The following NCALD variants were observed in gnomAD, a reference collection of about 807,000 sequenced individuals.
NCALD encodes the protein neurocalcin delta.
In NCALD, 10 loss-of-function variants were observed where a neutral mutation model predicts 18.6. The observed-to-expected ratio is 0.54, with a 90% confidence interval of 0.33 to 0.91. The LOEUF is 0.91. Among genes scored for constraint, NCALD ranks in the 40% least tolerant of loss-of-function variants. The pLI, the probability that NCALD is intolerant of heterozygous loss-of-function variation, is 0.03. For missense variants in NCALD, 184 were observed against 247.6 expected (o/e 0.74, Z 1.72); for synonymous variants, 88 against 87.4 (o/e 1.01, Z -0.04).
intron 4 of NCALD, among the ~76,000 whole-genome samples, chr8:101,804,271 T>C (rs1482881219): frequency 6.9e-6 from 1 of 145,866 alleles, no homozygotes; most frequent in Non-Finnish European, 1.5e-5. Flanking sequence ...GCATTATCTC[T>C]AAATATATAC....
chr8:101,953,383 C>T (rs1347984302), intron 2 of NCALD, among the ~76,000 whole-genome samples: 1 of 152,190 alleles, frequency 6.6e-6, no homozygotes, highest in Non-Finnish European at 1.5e-5. Context: ...AGGACCTGAC[C>T]TTATGCCAAT....
At chr8:101,904,205 A>T (rs564381955) in intron 3 of NCALD, among the ~76,000 whole-genome samples, 4 of 152,304 alleles carry the variant, frequency 2.6e-5, no homozygotes, top group Non-Finnish European at 5.9e-5. Context: ...AATTGCTCCC[A>T]GTTGGATGAA....
chr8:101,730,499 A>AAAAAAAAAT (rs1425649727), intron 1 of NCALD, among the ~76,000 whole-genome samples: 1 of 151,440 alleles, frequency 6.6e-6, no homozygotes, highest in Non-Finnish European at 1.5e-5. Context: ...AAAAAAAAAA[A>AAAAAAAAAT]AAAAAGAATA....
At chr8:102,009,886 C>G (rs1460102970) in intron 2 of NCALD, among the ~76,000 whole-genome samples, 1 of 152,220 alleles carries the variant, frequency 6.6e-6, no homozygotes, top group Admixed American at 6.5e-5. Flanking sequence ...ACAGTAGGCA[C>G]TGCTGGTATG....
chr8:101,730,160 A>G (rs1563705271), intron 1 of NCALD, among the ~76,000 whole-genome samples: 1 of 152,116 alleles, frequency 6.6e-6, no homozygotes, highest in Admixed American at 6.5e-5. Flanking sequence ...GGATCATTCT[A>G]TATTATTCTT....
At chr8:102,017,940 C>T (rs148541102) in intron 2 of NCALD, among the ~76,000 whole-genome samples, 2 of 152,056 alleles carry the variant, frequency 1.3e-5, no homozygotes, top group African/African-American at 4.8e-5. Context: ...ATGATTTGAA[C>T]AGACACTTTA....
At chr8:101,806,673 A>G (rs1813113321) in intron 4 of NCALD, among the ~76,000 whole-genome samples, 2 of 152,290 alleles carry the variant, frequency 1.3e-5, no homozygotes, top group African/African-American at 4.8e-5. Flanking sequence ...TGAAGAGCAG[A>G]AAGAAAAAGA....
At chr8:102,016,873 A>G (rs996629984) in intron 2 of NCALD, among the ~76,000 whole-genome samples, 1 of 152,204 alleles carries the variant, frequency 6.6e-6, no homozygotes, top group African/African-American at 2.4e-5. Flanking sequence ...AAAGCAATCA[A>G]CAGAGCTGGA....
intron 1 of NCALD, among the ~76,000 whole-genome samples, chr8:101,730,479 C>CAAAAAAAAAAAAAAAAAAAAA (rs869241027): frequency 4.6e-5 from 2 of 43,672 alleles, no homozygotes; most frequent in Admixed American, 3.0e-4. Flanking sequence ...GACTCCATCT[C>CAAAAAAAAAAAAAAAAAAAAA]AAAAAAAAAA....
At chr8:101,692,205 C>G in intron 3 of NCALD, 1 of 985,386 alleles carries the variant, frequency 1.0e-6, no homozygotes, top group Non-Finnish European at 1.2e-6. Context: ...TTTTTCACTT[C>G]GTTGGGTTTG....
chr8:101,725,999 G>A (rs7460166), intron 1 of NCALD, among the ~76,000 whole-genome samples: 60,459 of 152,006 alleles, frequency 0.4, 12,692 homozygotes, highest in South Asian at 0.53. Context: ...AAGACCAGAG[G>A]AAGTGAGGCA....
intron 1 of NCALD, among the ~76,000 whole-genome samples, chr8:102,105,500 T>C (rs971359283): frequency 2.0e-5 from 3 of 152,196 alleles, no homozygotes; most frequent in Admixed American, 6.5e-5. Context: ...ATCTCTTGCT[T>C]ATAGATTTAT....
chr8:101,814,596 C>A (rs1469922976), intron 4 of NCALD, among the ~76,000 whole-genome samples: 1 of 151,980 alleles, frequency 6.6e-6, no homozygotes, highest in African/African-American at 2.4e-5. Context: ...TGTCTCTACT[C>A]ATTTGCAACA....
At chr8:102,060,792 T>C (rs56162098) in intron 1 of NCALD, among the ~76,000 whole-genome samples, 22,467 of 152,050 alleles carry the variant, frequency 0.15, 1,803 homozygotes, top group African/African-American at 0.2. Flanking sequence ...AAAATTCACT[T>C]CTTCACCAGA....
intron 1 of NCALD, among the ~76,000 whole-genome samples, chr8:101,766,293 C>A (rs1350379832): frequency 6.6e-6 from 1 of 152,168 alleles, no homozygotes; most frequent in Non-Finnish European, 1.5e-5. Context: ...CATTTATAAT[C>A]TTTAACATGT....
chr8:101,737,496 G>A (rs374203113), intron 1 of NCALD, among the ~76,000 whole-genome samples: 12 of 152,094 alleles, frequency 7.9e-5, no homozygotes, highest in East Asian at 7.7e-4. Flanking sequence ...CCATAGCCTC[G>A]TACTCAGGGC....
intron 1 of NCALD, among the ~76,000 whole-genome samples, chr8:102,105,754 C>T (rs1312213156): frequency 6.6e-6 from 1 of 152,104 alleles, no homozygotes; most frequent in African/African-American, 2.4e-5. Context: ...ATTCCAGGAA[C>T]AGGTCTAGAA....
At chr8:101,901,795 CT>C (rs1396264517) in intron 3 of NCALD, among the ~76,000 whole-genome samples, 1 of 149,730 alleles carries the variant, frequency 6.7e-6, no homozygotes, top group Non-Finnish European at 1.5e-5. Context: ...ACTCTTTTCT[CT>C]TCTTTTTTTT....
At chr8:102,042,559 CAGA>C (rs1823086407) in intron 1 of NCALD, among the ~76,000 whole-genome samples, 1 of 151,920 alleles carries the variant, frequency 6.6e-6, no homozygotes, top group Non-Finnish European at 1.5e-5. Flanking sequence ...ATGTGTCCCA[CAGA>C]CCAGAAGTGA....
Sources: gnomAD v4.1 joint callset for allele counts (sites outside exome capture counted in the v4.1 genomes callset) on GRCh38, gnomAD v4.1.1 for gene constraint, MANE v1.5 for transcripts, NCBI Gene and HGNC (gene_info 2026-07-23, HGNC 2026-07-21) for gene names.